The following CCNB3 variants were observed in gnomAD, a reference collection of about 807,000 sequenced individuals.
The protein encoded by CCNB3 is G2/mitotic-specific cyclin-B3.
CCNB3 carries 12 observed loss-of-function variants against 68.0 expected under a neutral mutation model. The observed-to-expected ratio is 0.18, with a 90% CI of 0.11 to 0.29. The LOEUF is 0.29. CCNB3 is among the 10% of genes least tolerant of loss of function. The pLI is 1.00. For missense variants in CCNB3, 904 were observed against 993.1 expected (o/e 0.91, Z 1.21); for synonymous variants, 354 against 388.9 (o/e 0.91, Z 1.06).
chrX:50,228,666 A>G (rs1175244867), intron 1 of CCNB3, among the ~76,000 whole-genome samples: 19 of 83,986 alleles, frequency 2.3e-4, no homozygotes, highest in African/African-American at 7.3e-4. Context: ...TATAGAATAT[A>G]TATAGAATAT....
At chrX:50,305,776 C>CTTTT (rs146498028) in intron 5 of CCNB3, among the ~76,000 whole-genome samples, 11 of 37,149 alleles carry the variant, frequency 3.0e-4, no homozygotes, top group African/African-American at 8.4e-4. Context: ...TTCTTTCTTT[C>CTTTT]TTTTTTTTTT....
intron 4 of CCNB3, among the ~76,000 whole-genome samples, chrX:50,293,305 C>A (rs1387340322): frequency 1.8e-5 from 2 of 110,589 alleles, no homozygotes; most frequent in Non-Finnish European, 3.8e-5. Flanking sequence ...TAATTTTTTT[C>A]AAAAAGCCAG....
chrX:50,225,772 C>A (rs1049037349), intron 1 of CCNB3, among the ~76,000 whole-genome samples: 5 of 107,959 alleles, frequency 4.6e-5, no homozygotes, highest in Non-Finnish European at 7.7e-5. Context: ...AGAAAACGAT[C>A]AGGTTTGGGG....
intron 3 of CCNB3, among the ~76,000 whole-genome samples, chrX:50,287,301 A>T (rs918700412): frequency 4.5e-5 from 5 of 111,123 alleles, no homozygotes; most frequent in Non-Finnish European, 9.4e-5. Flanking sequence ...ATATGTGGGA[A>T]AAAAGCCCCT....
chrX:50,312,700 G>A, intron 7 of CCNB3, 68 bp downstream of exon 7: 2 of 724,760 alleles, frequency 2.8e-6, no homozygotes, highest in African/African-American at 2.1e-5. Flanking sequence ...ATCCTTCAGT[G>A]TGCAAGTTGA....
chrX:50,228,800 A>G (rs1171070126), intron 1 of CCNB3, among the ~76,000 whole-genome samples: 1 of 75,708 alleles, frequency 1.3e-5, no homozygotes, highest in African/African-American at 5.3e-5. Context: ...TATATAGAAT[A>G]GATATATAGA....
At chrX:50,324,878 G>GT (rs1470259341) in intron 8 of CCNB3, among the ~76,000 whole-genome samples, 1 of 110,558 alleles carries the variant, frequency 9.0e-6, no homozygotes, top group African/African-American at 3.3e-5. Flanking sequence ...GTTTTTTGTT[G>GT]TTTTTTTAGT....
chrX:50,305,732 G>C (rs1274013038), intron 5 of CCNB3, among the ~76,000 whole-genome samples: 1 of 107,330 alleles, frequency 9.3e-6, no homozygotes. Context: ...TGGATCTGTG[G>C]ATCAACTTGG....
At chrX:50,279,917 A>C (rs1464151289) in intron 1 of CCNB3, among the ~76,000 whole-genome samples, 5 of 87,182 alleles carry the variant, frequency 5.7e-5, no homozygotes, top group Non-Finnish European at 6.3e-5. Context: ...ATATAAAAAT[A>C]TATATAGAAT....
chrX:50,297,113 T>C (rs1222432573), intron 5 of CCNB3, among the ~76,000 whole-genome samples: 5 of 111,838 alleles, frequency 4.5e-5, no homozygotes, highest in Non-Finnish European at 9.4e-5. Flanking sequence ...TCTTTTGCTG[T>C]GCAGAAGCTC....
At chrX:50,350,863 T>G (rs1450367484) in intron 11 of CCNB3, among the ~76,000 whole-genome samples, 1 of 109,472 alleles carries the variant, frequency 9.1e-6, no homozygotes, top group Admixed American at 9.8e-5. Context: ...GCCCAGATAA[T>G]TTAAAATTTT....
intron 8 of CCNB3, among the ~76,000 whole-genome samples, chrX:50,335,515 G>C (rs1426920583): frequency 9.0e-6 from 1 of 111,321 alleles, no homozygotes; most frequent in African/African-American, 3.3e-5. Context: ...AATTCCAAAG[G>C]CTTTCAAGTG....
rs974645112 is a variant in CCNB3 at position 50,334,277 on chromosome X, C to T, written c.3517-7925C>T. 3.5e-5 allele frequency among the ~76,000 whole-genome samples: 4 copies of T among 112,792 alleles called. No individual in the cohort carries two copies. In the South Asian group the frequency reaches 1.1e-3, roughly 31 times the overall value. On this transcript the variant is annotated intron_variant, in intron 8 of 12. Transcript: ENST00000376042. Reference sequence around the variant, plus strand: ...GAATAAACTGAGTCCAACACCTCTACACAGTTATGCTCTACCAGGCTCTCT... The same window carrying T: ...GAATAAACTGAGTCCAACACCTCTATACAGTTATGCTCTACCAGGCTCTCT...
At chrX:50,305,635 C>T (rs782075310) in intron 5 of CCNB3, among the ~76,000 whole-genome samples, 1 of 109,815 alleles carries the variant, frequency 9.1e-6, no homozygotes, top group African/African-American at 3.3e-5. Flanking sequence ...TGCACATGTA[C>T]CCTAAAACTT....
At position 50,279,302 on chromosome X, in the gene CCNB3, ATATT is replaced by A. The variant is rs1301144746; in HGVS notation, c.-112-5236_-112-5233del. Among the ~76,000 whole-genome samples the A allele has an allele frequency of 8.4e-5, 6 of 71,820 alleles. 1 individual carries two copies. The South Asian group carries it at 3.0e-3, about 36-fold the overall frequency. The allele number at this position is 71,820 out of a possible 115,157, so 62.4% of individuals were successfully genotyped here. A position where few individuals can be genotyped will look rare whatever the true frequency, so the allele number is the denominator to read the frequency against. On this transcript the variant is annotated intron_variant, in intron 1 of 12. Coordinates refer to ENST00000376042, the MANE Select transcript of CCNB3 (RefSeq NM_033031.3). Reference sequence around the variant, plus strand: ...CATATTCATATATAAATATATATGAATATTTATATTTAATATATATTTAAATATA... The same window carrying A: ...CATATTCATATATAAATATATATGAATATATTTAATATATATTTAAATATA...
At chrX:50,314,626 T>A (rs1921632247) in intron 8 of CCNB3, among the ~76,000 whole-genome samples, 1 of 111,784 alleles carries the variant, frequency 8.9e-6, no homozygotes, top group African/African-American at 3.3e-5. Flanking sequence ...AGAGGAGTGG[T>A]TCAGGCTCAT....
intron 5 of CCNB3, among the ~76,000 whole-genome samples, chrX:50,302,933 C>G (rs552655422): frequency 1.4e-4 from 16 of 111,017 alleles, no homozygotes; most frequent in Middle Eastern, 4.7e-3. Context: ...TTGTGTATAC[C>G]TTTTTGTTTG....
intron 1 of CCNB3, among the ~76,000 whole-genome samples, chrX:50,206,191 C>T (rs781802074): frequency 4.5e-4 from 50 of 110,494 alleles, no homozygotes; most frequent in Non-Finnish European, 6.0e-4. Context: ...TGCAGTGAGC[C>T]GGGATGGCGC....
rs1371956450 is a variant in CCNB3 at position 50,309,645 on chromosome X, G to T, written c.1476G>T (p.Lys492Asn). ...CCACCAAGAAGCCTTTAATTTTAAA[G>T]AGGAAGCATGCCACTCAGGGGACAA... ...APPTKKPLIL[K>N]RKHATQGTMS... The change falls in exon 6 of 13, where the codon AAG becomes AAT. Residue 492 changes from lysine (K) to asparagine (N), a missense_variant. By Grantham distance (94) the Lys-to-Asn change is moderately conservative. This residue lies in a region of CCNB3 where 619 missense variants were observed against 609.8 expected (regional missense o/e 1.02). Coordinates refer to ENST00000376042, the MANE Select transcript of CCNB3 (RefSeq NM_033031.3). 3 of 1,209,167 alleles carry T rather than the reference G, an allele frequency of 2.5e-6. No individual in the cohort carries two copies. The East Asian group carries it at 8.9e-5, about 36-fold the overall frequency.
Sources: allele counts gnomAD v4.1 joint callset (sites outside exome capture counted in the v4.1 genomes callset), GRCh38; gene constraint gnomAD v4.1.1; regional missense constraint gnomAD v4.1.1; transcripts MANE v1.5; gene names NCBI Gene and HGNC (gene_info 2026-07-23, HGNC 2026-07-21).